The following PTPRG variants were observed in gnomAD, a reference collection of about 807,000 sequenced individuals.
The protein encoded by PTPRG is protein tyrosine phosphatase receptor type G, also known as receptor-type tyrosine-protein phosphatase gamma.
PTPRG carries 102 observed loss-of-function variants against 165.3 expected under a neutral mutation model. The observed-to-expected ratio is 0.62, with a 90% CI of 0.53 to 0.73. The LOEUF (loss-of-function observed/expected upper bound fraction) is 0.73. Among genes scored for constraint, PTPRG ranks in the 30% least tolerant of loss-of-function variants. The pLI, the probability that PTPRG is intolerant of heterozygous loss-of-function variation, is 0.00. For missense variants in PTPRG, 1,866 were observed against 1,861.4 expected (o/e 1.00, Z -0.05); for synonymous variants, 675 against 669.5 (o/e 1.01, Z -0.13).
intron 8 of PTPRG, among the ~76,000 whole-genome samples, chr3:62,189,039 G>A (rs372231318): frequency 3.3e-5 from 5 of 152,168 alleles, no homozygotes; most frequent in Admixed American, 1.3e-4. Flanking sequence ...TAGTGCCCAC[G>A]TTCTGTCACT....
At position 61,711,133 on chromosome 3, in the gene PTPRG, G is replaced by C. The variant is rs777283868; in HGVS notation, c.86-37745G>C. On this transcript the variant is annotated intron_variant, in intron 1 of 29. Coordinates refer to ENST00000474889, the MANE Select transcript of PTPRG (RefSeq NM_002841.4). ...TTTTTATGGCTGCATAGTATTCCATGGTGTATGTGTGCCACTTTTTCTTTA... is the reference window on the plus strand; with the variant it reads ...TTTTTATGGCTGCATAGTATTCCATCGTGTATGTGTGCCACTTTTTCTTTA... Among the ~76,000 whole-genome samples, 26 of 152,218 alleles carry C rather than the reference G, an allele frequency of 1.7e-4. 1 individual carries two copies. The highest frequency in any genetic ancestry group is 3.4e-3 in the Middle Eastern group (1 of 294).
chr3:62,006,427 T>C (rs1459462369), intron 4 of PTPRG, among the ~76,000 whole-genome samples: 3 of 152,254 alleles, frequency 2.0e-5, no homozygotes, highest in Admixed American at 6.5e-5. Context: ...CTACGATTTT[T>C]ATACTATTTG....
chr3:61,766,303 G>T (rs1412326897), intron 2 of PTPRG, among the ~76,000 whole-genome samples: 1 of 152,198 alleles, frequency 6.6e-6, no homozygotes, highest in East Asian at 1.9e-4. Flanking sequence ...CCAAAGAAAT[G>T]TTGGCATTAT....
chr3:62,034,184 C>G (rs1309823011), intron 4 of PTPRG, among the ~76,000 whole-genome samples: 1 of 152,154 alleles, frequency 6.6e-6, no homozygotes, highest in Non-Finnish European at 1.5e-5. Context: ...CTGTGGAACC[C>G]AAGTATACAA....
At chr3:61,944,442 A>C (rs1337841040) in intron 2 of PTPRG, among the ~76,000 whole-genome samples, 1 of 152,134 alleles carries the variant, frequency 6.6e-6, no homozygotes, top group Non-Finnish European at 1.5e-5. Flanking sequence ...CATTTCCCCT[A>C]GCCCCTTCTC....
chr3:61,668,587 C>A (rs1575576543), intron 1 of PTPRG, among the ~76,000 whole-genome samples: 1 of 152,086 alleles, frequency 6.6e-6, no homozygotes, highest in Non-Finnish European at 1.5e-5. Flanking sequence ...AATTGAGTTT[C>A]TTTTGTTAAA....
rs531039309 is a variant in PTPRG, at chr3:62,060,851, T to C, written c.520-17312T>C. Among the ~76,000 whole-genome samples the C allele has an allele frequency of 2.6e-5, 4 of 152,354 alleles. No individual in the cohort carries two copies. In the East Asian group the frequency reaches 7.7e-4, roughly 29 times the overall value. The stretch of plus-strand genomic sequence containing the variant: ...TTTCTGCCCTCCTTTATCTGAAATA[T>C]GGGATGATCATAATACATGGAGTTC... On this transcript the variant is annotated intron_variant, in intron 4 of 29. Coordinates refer to ENST00000474889, the MANE Select transcript of PTPRG (RefSeq NM_002841.4).
At chr3:61,594,805 T>C (rs1399108853) in intron 1 of PTPRG, among the ~76,000 whole-genome samples, 2 of 152,294 alleles carry the variant, frequency 1.3e-5, no homozygotes, top group Admixed American at 6.5e-5. Flanking sequence ...CTGACTCTTA[T>C]CAATAAAGCG....
chr3:61,783,750 G>C (rs1239113463), intron 2 of PTPRG, among the ~76,000 whole-genome samples: 1 of 152,196 alleles, frequency 6.6e-6, no homozygotes, highest in African/African-American at 2.4e-5. Flanking sequence ...GGGCCACAGT[G>C]AGGTCCTAAG....
In PTPRG at chr3:61,783,558, G is replaced by A. The variant is rs558666880; in HGVS notation, c.190+34576G>A. Among the ~76,000 whole-genome samples, 6 of 152,264 alleles carry A rather than the reference G, an allele frequency of 3.9e-5. No individual in the cohort carries two copies. In the South Asian group the frequency reaches 6.2e-4, roughly 16 times the overall value. On this transcript the variant is annotated intron_variant, in intron 2 of 29. Transcript: ENST00000474889. ...GTGTGGCTTGGTGGACAGGGAAGATGTCTGTGTGTCTGGGTGATATGTGTG... is the reference window on the plus strand; with the variant it reads ...GTGTGGCTTGGTGGACAGGGAAGATATCTGTGTGTCTGGGTGATATGTGTG...
chr3:61,690,087 G>C (rs1242999838), intron 1 of PTPRG, among the ~76,000 whole-genome samples: 1 of 152,142 alleles, frequency 6.6e-6, no homozygotes, highest in Non-Finnish European at 1.5e-5. Flanking sequence ...TTTGGACACT[G>C]TCTCAACCAT....
chr3:62,199,669 TAGC>T (rs1278474962), intron 10 of PTPRG, among the ~76,000 whole-genome samples: 24 of 152,222 alleles, frequency 1.6e-4, no homozygotes, highest in Non-Finnish European at 3.2e-4. Context: ...GTACCTGTCA[TAGC>T]AGGTACAAGT....
At chr3:61,838,953 T>C (rs982371333) in intron 2 of PTPRG, among the ~76,000 whole-genome samples, 1 of 152,180 alleles carries the variant, frequency 6.6e-6, no homozygotes, top group Non-Finnish European at 1.5e-5. Context: ...AAGTGAACAA[T>C]AGTGTGAAGT....
chr3:61,956,211 C>T (rs43182), intron 2 of PTPRG, among the ~76,000 whole-genome samples: 18,929 of 151,798 alleles, frequency 0.12, 1,215 homozygotes, highest in Non-Finnish European at 0.13. Context: ...ATTTTCATTC[C>T]GTTAATTACT....
chr3:61,773,696 A>G (rs1274929454), intron 2 of PTPRG, among the ~76,000 whole-genome samples: 1 of 152,142 alleles, frequency 6.6e-6, no homozygotes, highest in Admixed American at 6.5e-5. Context: ...TGAGATCTCA[A>G]AAAAGAGCCT....
Position 62,293,210 on chromosome 3 carries a change from A to C in PTPRG, c.4241A>C (p.Lys1414Thr), listed in dbSNP as rs1702961862. 1.2e-6 allele frequency: 2 copies of C among 1,611,012 alleles called. No individual in the cohort carries two copies. The highest frequency in any genetic ancestry group is 1.7e-6 in the Non-Finnish European group (2 of 1,178,904). ...GCAATGCTTAGCTTGGTCAGCACTA[A>C]AGAAAATGGAAATGGTCCCATGACA... ...YKAMLSLVST[K>T]ENGNGPMTVD... The change falls in exon 30 of 30, where the codon AAA becomes ACA. Residue 1414 changes from lysine to threonine, a missense_variant. Transcript: ENST00000474889.
rs958142555 is a variant in PTPRG, at chr3:61,709,302, T to G, written c.86-39576T>G. Among the ~76,000 whole-genome samples the G allele has an allele frequency of 9.2e-5, 14 of 152,258 alleles. 1 individual carries two copies. The East Asian group carries it at 2.7e-3, about 29-fold the overall frequency. On this transcript the variant is annotated intron_variant, in intron 1 of 29. Coordinates refer to ENST00000474889, the MANE Select transcript of PTPRG (RefSeq NM_002841.4). ...TTTCATATTTTTAAACAGTTGCATT[T>G]TATTTTTTATTTTATTTATTTATTT...
intron 2 of PTPRG, among the ~76,000 whole-genome samples, chr3:61,810,911 G>C (rs1022889863): frequency 6.6e-6 from 1 of 152,180 alleles, no homozygotes; most frequent in African/African-American, 2.4e-5. Flanking sequence ...ATGAGTATCT[G>C]ATTGGCTACC....
At chr3:62,202,031 T>C (rs1279088333) in intron 11 of PTPRG, among the ~76,000 whole-genome samples, 1 of 152,226 alleles carries the variant, frequency 6.6e-6, no homozygotes, top group Non-Finnish European at 1.5e-5. Context: ...AAATTCACTA[T>C]GCTCTTCCTG....
Sources: gnomAD v4.1 joint callset for allele counts (sites outside exome capture counted in the v4.1 genomes callset) on GRCh38, gnomAD v4.1.1 for gene constraint, MANE v1.5 for transcripts, NCBI Gene and HGNC (gene_info 2026-07-23, HGNC 2026-07-21) for gene names.